Variants in CTNNA3 observed in about 807,000 individuals in gnomAD.
CTNNA3 encodes the protein catenin alpha 3.
CTNNA3 carries 76 observed loss-of-function variants against 95.7 expected under a neutral mutation model. The ratio of observed to expected loss-of-function variants is 0.79; its 90% CI spans 0.66 to 0.96. The LOEUF is 0.96. Among genes scored for constraint, CTNNA3 ranks in the 40% least tolerant of loss-of-function variants. The probability of loss-of-function intolerance (pLI) is 0.00; values close to 1 mark genes in which losing one functional copy is unlikely to be tolerated. For synonymous variants in CTNNA3, 431 were observed against 374.4 expected, an observed-to-expected ratio of 1.15 and a Z score of -1.74; for missense variants, 1,191 against 1,089.8, an observed-to-expected ratio of 1.09 and a Z score of -1.31.
chr10:67,422,015 T>C (rs1219402484), intron 5 of CTNNA3, among the ~76,000 whole-genome samples: 4 of 152,148 alleles, frequency 2.6e-5, no homozygotes, highest in East Asian at 3.9e-4. Context: ...AAATGCATAG[T>C]CTGAATTTAA....
At position 66,431,199 on chromosome 10, in the gene CTNNA3, T is replaced by G. The variant is rs1165136628; in HGVS notation, c.1532-51847A>C. 7.9e-5 allele frequency among the ~76,000 whole-genome samples: 12 copies of G among 152,198 alleles called. No individual in the cohort carries two copies. In the Middle Eastern group the frequency reaches 0.017, roughly 216 times the overall value. The stretch of plus-strand genomic sequence containing the variant: ...TGCAAATGAAAACCACAATGAGACA[T>G]CGTCTCACACCAGTTAGAATGGCGA... On this transcript the variant is annotated intron_variant, in intron 11 of 17. Transcript: ENST00000433211.
intron 1 of CTNNA3, among the ~76,000 whole-genome samples, chr10:67,747,476 G>A (rs1294034541): frequency 2.0e-5 from 3 of 152,142 alleles, no homozygotes; most frequent in African/African-American, 7.2e-5. Context: ...AGGGACCCAG[G>A]TGAATAGGGC....
chr10:66,151,029 T>C (rs2084172641), intron 13 of CTNNA3, among the ~76,000 whole-genome samples: 1 of 152,042 alleles, frequency 6.6e-6, no homozygotes, highest in Non-Finnish European at 1.5e-5. Flanking sequence ...AAACTGTATT[T>C]AATAAACTTT....
chr10:67,359,071 G>A (rs891159824), intron 5 of CTNNA3, among the ~76,000 whole-genome samples: 9 of 151,942 alleles, frequency 5.9e-5, no homozygotes, highest in Non-Finnish European at 1.2e-4. Context: ...CCATAAATAT[G>A]CATCACCTGT....
intron 1 of CTNNA3, among the ~76,000 whole-genome samples, chr10:67,649,975 G>C (rs535340885): frequency 2.0e-5 from 3 of 152,272 alleles, no homozygotes; most frequent in African/African-American, 7.2e-5. Flanking sequence ...AAGTAGCTGG[G>C]ATTACAGGCA....
intron 10 of CTNNA3, among the ~76,000 whole-genome samples, chr10:66,598,830 A>T (rs1843815876): frequency 6.6e-6 from 1 of 152,010 alleles, no homozygotes; most frequent in Non-Finnish European, 1.5e-5. Context: ...ATCCTAAGTG[A>T]TCTATAAATT....
chr10:67,752,255 C>T (rs1027923014), intron 1 of CTNNA3, among the ~76,000 whole-genome samples: 2 of 152,104 alleles, frequency 1.3e-5, no homozygotes, highest in African/African-American at 2.4e-5. Flanking sequence ...CAGAAAAGGC[C>T]GTTGATAAAA....
intron 10 of CTNNA3, among the ~76,000 whole-genome samples, chr10:66,598,262 A>C (rs141697855): frequency 2.0e-4 from 31 of 152,202 alleles, no homozygotes; most frequent in Non-Finnish European, 3.5e-4. Flanking sequence ...AATATACCTC[A>C]ACACAGTAAA....
intron 13 of CTNNA3, among the ~76,000 whole-genome samples, chr10:66,137,352 G>T (rs2083406346): frequency 6.6e-6 from 1 of 151,994 alleles, no homozygotes; most frequent in Admixed American, 6.6e-5. Context: ...CTCTAGCTTG[G>T]AATCTTCAAA....
rs2090718358 is a variant in CTNNA3, at chr10:66,255,215, G to A, written c.1884+25255C>T. ...GGGCAGGCCTAGACTGCTCATCCAG[G>A]CAAGGGTAGGCCCTCTATCCATGGT... On this transcript the variant is annotated intron_variant, in intron 13 of 17. Transcript: ENST00000433211. Among the ~76,000 whole-genome samples the A allele has an allele frequency of 3.3e-5, 5 of 152,158 alleles. No individual in the cohort carries two copies. The South Asian group carries it at 1.0e-3, about 32-fold the overall frequency.
intron 1 of CTNNA3, among the ~76,000 whole-genome samples, chr10:67,690,507 T>G (rs1391872483): frequency 1.3e-5 from 2 of 152,148 alleles, no homozygotes; most frequent in African/African-American, 2.4e-5. Flanking sequence ...GAGTGACTGG[T>G]TCTGTTTTTA....
chr10:67,415,984 AC>A (rs1266394307), intron 5 of CTNNA3, among the ~76,000 whole-genome samples: 1 of 152,234 alleles, frequency 6.6e-6, no homozygotes, highest in Non-Finnish European at 1.5e-5. Context: ...TTTACCATAT[AC>A]AAGAATGAAC....
chr10:65,957,411 T>G (rs535760237), intron 17 of CTNNA3, among the ~76,000 whole-genome samples: 2 of 152,348 alleles, frequency 1.3e-5, no homozygotes, highest in Admixed American at 1.3e-4. Flanking sequence ...TATTGTTATG[T>G]GTGAATTTGA....
chr10:67,192,092 A>G (rs1863144691), intron 6 of CTNNA3, among the ~76,000 whole-genome samples: 1 of 152,028 alleles, frequency 6.6e-6, no homozygotes, highest in Non-Finnish European at 1.5e-5. Context: ...CTTGAAATGG[A>G]TAAAAGACAT....
intron 11 of CTNNA3, among the ~76,000 whole-genome samples, chr10:66,461,214 G>T (rs184109268): frequency 2.7e-4 from 41 of 152,068 alleles, no homozygotes; most frequent in Admixed American, 2.6e-3. Flanking sequence ...TTTTTGGAGG[G>T]TATCTGATAA....
At chr10:67,643,671 C>T (rs2133471478) in intron 2 of CTNNA3, among the ~76,000 whole-genome samples, 1 of 151,994 alleles carries the variant, frequency 6.6e-6, no homozygotes, top group African/African-American at 2.4e-5. Context: ...TCTCCTAATG[C>T]TATCCCTCCC....
At chr10:67,074,231 C>T (rs894710969) in intron 7 of CTNNA3, among the ~76,000 whole-genome samples, 1 of 151,322 alleles carries the variant, frequency 6.6e-6, no homozygotes, top group African/African-American at 2.4e-5. Flanking sequence ...CGGGGTTTCA[C>T]CATTTGGCCA....
chr10:65,934,437 AG>A (rs112326111), intron 17 of CTNNA3, among the ~76,000 whole-genome samples: 3,965 of 152,198 alleles, frequency 0.026, 153 homozygotes, highest in African/African-American at 0.09. Context: ...TCTAACTCCC[AG>A]GTCATAACTT....
chr10:66,304,088 T>C lies in CTNNA3; in HGVS notation c.1733-23467A>G, dbSNP rs191074184. ...ACAACCCCAAAGAAAAATGGATCAA[T>C]GTTGTACCAGTATTTCAAAGAAGTG... On this transcript the variant is annotated intron_variant, in intron 12 of 17. Coordinates refer to ENST00000433211, the MANE Select transcript of CTNNA3 (RefSeq NM_013266.4). 4.9e-4 allele frequency among the ~76,000 whole-genome samples: 74 copies of C among 152,180 alleles called. No homozygotes were observed. In the East Asian group the frequency reaches 0.011, roughly 23 times the overall value.
Sources: gnomAD v4.1 joint callset for allele counts (sites outside exome capture counted in the v4.1 genomes callset) on GRCh38, gnomAD v4.1.1 for gene constraint, MANE v1.5 for transcripts, NCBI Gene and HGNC (gene_info 2026-07-23, HGNC 2026-07-21) for gene names.